SH3TC1: variants seen among roughly 807,000 people sequenced by gnomAD.
SH3TC1 encodes the protein SH3 domain and tetratricopeptide repeat-containing protein 1.
SH3TC1 carries 135 observed loss-of-function variants against 117.3 expected under a neutral mutation model. The observed-to-expected ratio is 1.15, with a 90% CI of 1.00 to 1.33. SH3TC1 has a LOEUF of 1.33. Ranked by LOEUF, SH3TC1 falls within the 40% of genes most tolerant of loss-of-function variation. The pLI is 0.00. For missense variants in SH3TC1, 2,092 were observed against 1,794.3 expected, an observed-to-expected ratio of 1.17 and a Z score of -3.00; for synonymous variants, 898 against 816.9, an observed-to-expected ratio of 1.10 and a Z score of -1.69.
At chr4:8,216,922 G>A (rs1402209389) in intron 6 of SH3TC1, 35 bp from the exon 7 acceptor site, 5 of 1,609,004 alleles carry the variant, frequency 3.1e-6, no homozygotes, top group Admixed American at 1.7e-5. Context: ...CGCCCAGTCC[G>A]GCCACCCTCA....
In SH3TC1 at chr4:8,209,231, G is replaced by A. The variant is rs1238321332; in HGVS notation, c.173-517G>A. Among the ~76,000 whole-genome samples the A allele has an allele frequency of 6.6e-6, 1 of 152,254 alleles. No homozygotes were observed. Among genetic ancestry groups the A allele is most frequent in the Non-Finnish European group, 1.5e-5 (1 of 68,050 alleles). The stretch of plus-strand genomic sequence containing the variant: ...ACTTTGCAGATGTGATCAAAGGCAA[G>A]GATCTCGAGATGGAGAGATGATCCC... On this transcript the variant is annotated intron_variant, in intron 2 of 17. Transcript: ENST00000245105. The surrounding 1 kb of genome is among the most constrained non-coding windows in gnomAD (Gnocchi z 5.9).
Position 8,240,668 on chromosome 4 carries a change from C to T in SH3TC1, c.3754-30C>T, listed in dbSNP as rs200730096. 3,351 of 1,612,726 alleles carry T rather than the reference C, an allele frequency of 2.1e-3. 21 individuals carry two copies. Among genetic ancestry groups the T allele is most frequent in the Non-Finnish European group, 1.9e-3 (2,264 of 1,179,278 alleles). On this transcript the variant is annotated intron_variant, in intron 17 of 17. Transcript: ENST00000245105. ...CTGGGGAGACTGGCTCCGAGTCCCC[C>T]TTTTGCTGAGCATGGCCTGTCCCCT...
intron 1 of SH3TC1, among the ~76,000 whole-genome samples, chr4:8,185,134 G>A (rs543693414): frequency 1.3e-5 from 2 of 151,496 alleles, no homozygotes; most frequent in South Asian, 2.1e-4. Context: ...TCAGGAGTTC[G>A]ACACCAGTCT....
chr4:8,194,915 A>G (rs989066707), upstream of SH3TC1, among the ~76,000 whole-genome samples: 1 of 152,172 alleles, frequency 6.6e-6, no homozygotes, highest in Admixed American at 6.5e-5. Flanking sequence ...CACCTTAGAA[A>G]GCCCCAGAGG....
intron 10 of SH3TC1, among the ~76,000 whole-genome samples, chr4:8,223,185 C>T (rs1720114433): frequency 4.6e-5 from 7 of 152,346 alleles, no homozygotes; most frequent in Middle Eastern, 3.4e-3. Flanking sequence ...AATGTGGCCC[C>T]TGAGACTCCT....
Position 8,236,529 on chromosome 4 carries a change from G to A in SH3TC1, c.3556+101G>A, listed in dbSNP as rs112380281. ...GCCGAAACAGCTGCCGGATTTTCCT[G>A]GTCTCCTGTCCAGGCAGGCACATCT... On this transcript the variant is annotated intron_variant, in intron 16 of 17. Transcript: ENST00000245105. The A allele has an allele frequency of 1.6e-4, 220 of 1,395,790 alleles. 1 individual carries two copies. In the African/African-American group the frequency reaches 2.7e-3, roughly 17 times the overall value. 86.5% of individuals were successfully genotyped at this position (1,395,790 alleles called of 1,614,324 possible). A position where few individuals can be genotyped will look rare whatever the true frequency, so the allele number is the denominator to read the frequency against.
At chr4:8,232,399 T>C (rs766062549) in intron 13 of SH3TC1, 20 of 1,575,412 alleles carry the variant, frequency 1.3e-5, no homozygotes, top group Non-Finnish European at 1.3e-5. Context: ...CTTGCACACC[T>C]CCCCAAAGGT....
At chr4:8,199,681 C>T (rs549419929) in intron 1 of SH3TC1, among the ~76,000 whole-genome samples, 1 of 152,270 alleles carries the variant, frequency 6.6e-6, no homozygotes, top group South Asian at 2.1e-4. Context: ...GGGACCTGGC[C>T]TGACCCCGTG....
Position 8,232,121 on chromosome 4 carries a change from C to A in SH3TC1, c.3096C>A (p.Thr1032=). Residue 1032 remains threonine (T), a synonymous_variant, in exon 13 of 18, where the codon ACC becomes ACA. Coordinates refer to ENST00000245105, the MANE Select transcript of SH3TC1 (RefSeq NM_018986.5). ...TGCTGGAGGGGCAGCTCCTGGAGAC[C>A]ATCAGCCAGCTCTACCTGTCCCTGG... is the stretch of plus-strand genomic sequence containing the variant. ...DKVLEGQLLE[T]ISQLYLSLGT... 6.2e-7 allele frequency: 1 copy of A among 1,610,666 alleles called. No individual in the cohort carries two copies. The highest frequency in any genetic ancestry group is 8.5e-7 in the Non-Finnish European group (1 of 1,179,700).
In SH3TC1 at chr4:8,236,492, T is replaced by C. The variant is rs1721831640; in HGVS notation, c.3556+64T>C. The C allele has an allele frequency of 4.9e-6, 7 of 1,414,416 alleles. No homozygotes were observed. The East Asian group carries it at 1.7e-4, about 35-fold the overall frequency. 87.6% of individuals were successfully genotyped at this position (1,414,416 alleles called of 1,614,324 possible). On this transcript the variant is annotated intron_variant, in intron 16 of 17. Coordinates refer to ENST00000245105, the MANE Select transcript of SH3TC1 (RefSeq NM_018986.5). ...TTTGCCAGAGCTCAGCCTCCAGGTC[T>C]GCAGGGCAGGAGCCGAAACAGCTGC...
intron 2 of SH3TC1, among the ~76,000 whole-genome samples, chr4:8,207,220 G>A (rs1323153357): frequency 6.6e-6 from 1 of 152,216 alleles, no homozygotes; most frequent in Admixed American, 6.5e-5. Context: ...CGATTCGAGT[G>A]CAGCTACTAT....
chr4:8,215,180 G>A (rs1268426432), intron 5 of SH3TC1: 2 of 456,290 alleles, frequency 4.4e-6, no homozygotes, highest in Non-Finnish European at 8.8e-6. Context: ...AGAACTTGAG[G>A]GAAGCTGCCG....
Position 8,188,603 on chromosome 4 carries a change from C to T in SH3TC1, c.-57+6393C>T, listed in dbSNP as rs144845105. On this transcript the variant is annotated intron_variant, in intron 1 of 16. Transcript: ENST00000508641. ...GGTCCCCCCTCTGTGGTACCTGGACCGCTACGCTACCCTTGGTGAGCAGGG... is the reference window on the plus strand; with the variant it reads ...GGTCCCCCCTCTGTGGTACCTGGACTGCTACGCTACCCTTGGTGAGCAGGG... Among the ~76,000 whole-genome samples the T allele has an allele frequency of 3.6e-3, 553 of 152,350 alleles. 4 individuals are homozygous for T. The highest frequency in any genetic ancestry group is 0.012 in the African/African-American group (519 of 41,578).
chr4:8,198,372 G>C (rs184694735), upstream of SH3TC1, among the ~76,000 whole-genome samples: 1 of 152,312 alleles, frequency 6.6e-6, no homozygotes, highest in Non-Finnish European at 1.5e-5. Context: ...ACAGGCTGGA[G>C]GGATCCCTCC....
chr4:8,205,331 C>G lies in SH3TC1; in HGVS notation c.137C>G (p.Ala46Gly). The G allele has an allele frequency of 6.5e-7, 1 of 1,549,772 alleles. No homozygotes were observed. The highest frequency in any genetic ancestry group is 1.2e-5 in the South Asian group (1 of 83,966). Residue 46 changes from alanine to glycine, a missense_variant, in exon 2 of 18, where the codon GCG (alanine) becomes GGG (glycine). By Grantham distance (60) the Ala-to-Gly change is moderately conservative. Coordinates refer to ENST00000245105, the MANE Select transcript of SH3TC1 (RefSeq NM_018986.5). This position sits in a 1 kb window ranked among gnomAD's most constrained non-coding sequence, Gnocchi z 5.4. ...VMRPSVSWEK[A>G]GPEEAKAPVR... is the part of the protein sequence containing the mutation. ...AGGCCCTCTGTGAGCTGGGAGAAAG[C>G]GGGGCCCGAGGAGGCCAAGGCGCCA...
At chr4:8,234,568 TATCCATCCATCCACCCATCC>T (rs987203742) in intron 14 of SH3TC1, among the ~76,000 whole-genome samples, 9 of 149,322 alleles carry the variant, frequency 6.0e-5, no homozygotes, top group Admixed American at 1.3e-4. Flanking sequence ...CTCATCCATT[TATCCATCCATCCACCCATCC>T]ATCCATCCAT....
intron 4 of SH3TC1, among the ~76,000 whole-genome samples, chr4:8,213,979 C>A (rs540544517): frequency 6.6e-6 from 1 of 152,028 alleles, no homozygotes; most frequent in Non-Finnish European, 1.5e-5. Flanking sequence ...CTTCCCGAGT[C>A]GGAAGAGTTC....
Position 8,192,355 on chromosome 4 carries a change from C to T in SH3TC1, c.-57+10145C>T, listed in dbSNP as rs1461195992. On this transcript the variant is annotated intron_variant, in intron 1 of 16. Coordinates refer to the SH3TC1 transcript ENST00000508641. The surrounding 1 kb of genome is among the most constrained non-coding windows in gnomAD (Gnocchi z 4.1). ...CACCAGGAACTCTCCTTCCTGTGAC[C>T]TTGGGTAAAGGTCATTTTCGCCCTG... is the stretch of plus-strand genomic sequence containing the variant. Among the ~76,000 whole-genome samples the T allele has an allele frequency of 1.3e-5, 2 of 151,910 alleles. No individual in the cohort carries two copies.
At position 8,192,447 on chromosome 4, in the gene SH3TC1, CTTTATTTTA is replaced by C. The variant is rs1471042503; in HGVS notation, c.-57+10241_-57+10249del. On this transcript the variant is annotated intron_variant, in intron 1 of 16. Coordinates refer to the SH3TC1 transcript ENST00000508641. The surrounding 1 kb of genome is among the most constrained non-coding windows in gnomAD (Gnocchi z 4.1). The stretch of plus-strand genomic sequence containing the variant: ...ACAATCTTCTTATCCAACCACTTGT[CTTTATTTTA>C]TTTTATTTTATTTTATTTTATTTTA... 5.1e-5 allele frequency among the ~76,000 whole-genome samples: 7 copies of C among 138,368 alleles called. No homozygotes were observed. The highest frequency in any genetic ancestry group is 1.9e-4 in the African/African-American group (7 of 36,992). 90.8% of individuals were successfully genotyped at this position (138,368 alleles called of 152,430 possible). A position where few individuals can be genotyped will look rare whatever the true frequency, so the allele number is the denominator to read the frequency against.
Sources: allele counts gnomAD v4.1 joint callset (sites outside exome capture counted in the v4.1 genomes callset), GRCh38; gene constraint gnomAD v4.1.1; non-coding constraint Gnocchi (gnomAD v3.1); transcripts MANE v1.5; gene names NCBI Gene and HGNC (gene_info 2026-07-23, HGNC 2026-07-21).